SLC6A2: variants seen among roughly 807,000 people sequenced by gnomAD.
The protein encoded by SLC6A2 is solute carrier family 6 member 2.
SLC6A2 carries 26 observed loss-of-function variants against 71.7 expected under a neutral mutation model. The observed-to-expected ratio is 0.36, with a 90% CI of 0.27 to 0.50. The LOEUF (loss-of-function observed/expected upper bound fraction) is 0.50. Ranked by LOEUF, SLC6A2 falls within the 20% of genes least tolerant of loss-of-function variation. The pLI is 0.96. For missense variants in SLC6A2, 581 were observed against 803.9 expected (o/e 0.72, Z 3.35); for synonymous variants, 363 against 337.9 (o/e 1.07, Z -0.82).
Position 55,705,158 on chromosome 16 carries a change from C to T in SLC6A2, c.*2812C>T, listed in dbSNP as rs1966075384. On this transcript the variant is annotated 3_prime_UTR_variant, in exon 15 of 15. Coordinates refer to ENST00000568943, the MANE Select transcript of SLC6A2 (RefSeq NM_001172501.3). The stretch of plus-strand genomic sequence containing the variant: ...GTAAAATATCAGTTTGAGAACATCA[C>T]ATTTACGTCTACTCAATGTCTAGTT... The T allele has an allele frequency of 2.5e-6, 3 of 1,187,622 alleles. No individual in the cohort carries two copies. Among genetic ancestry groups the T allele is most frequent in the Admixed American group, 2.0e-5 (1 of 49,648 alleles). The allele number at this position is 1,187,622 out of a possible 1,614,324, so 73.6% of individuals were successfully genotyped here.
chr16:55,683,061 C>T (rs1303441545), intron 4 of SLC6A2, among the ~76,000 whole-genome samples: 1 of 152,154 alleles, frequency 6.6e-6, no homozygotes, highest in African/African-American at 2.4e-5. Flanking sequence ...AATACCACAC[C>T]AAGTTGTTCC....
intron 4 of SLC6A2, among the ~76,000 whole-genome samples, chr16:55,678,604 T>C (rs1472238829): frequency 1.3e-5 from 2 of 152,110 alleles, no homozygotes; most frequent in African/African-American, 2.4e-5. Context: ...TCTGTAACTT[T>C]ATGTGTAAAA....
At chr16:55,659,152 G>A (rs74449244) in intron 2 of SLC6A2, among the ~76,000 whole-genome samples, 5,027 of 152,168 alleles carry the variant, frequency 0.033, 116 homozygotes, top group South Asian at 0.066. Flanking sequence ...CAGGGGTCAC[G>A]GTCACCAAGA....
At chr16:55,691,787 G>T in intron 5 of SLC6A2, 131 bp from the exon 6 acceptor site, 1 of 1,041,554 alleles carries the variant, frequency 9.6e-7, no homozygotes, top group Non-Finnish European at 1.5e-6. Context: ...GGAACTTGTA[G>T]CATGTGCTTT....
chr16:55,683,354 G>T (rs1965339936), intron 4 of SLC6A2, among the ~76,000 whole-genome samples: 1 of 152,180 alleles, frequency 6.6e-6, no homozygotes, highest in South Asian at 2.1e-4. Context: ...GCTCATGCCT[G>T]TAATCCCAGC....
intron 5 of SLC6A2, among the ~76,000 whole-genome samples, chr16:55,691,330 C>G (rs1477584873): frequency 6.8e-6 from 1 of 148,018 alleles, no homozygotes. Flanking sequence ...ATGCAGCAAC[C>G]AGTAGCAATG....
chr16:55,664,610 G>A (rs569949400), intron 2 of SLC6A2, among the ~76,000 whole-genome samples: 3 of 152,276 alleles, frequency 2.0e-5, no homozygotes, highest in Admixed American at 6.5e-5. Flanking sequence ...TCCCATTTAC[G>A]GAGCACCCAC....
At position 55,702,711 on chromosome 16, in the gene SLC6A2, C is replaced by T. The variant is rs1460487466; in HGVS notation, c.*365C>T. On this transcript the variant is annotated 3_prime_UTR_variant, in exon 15 of 15. Transcript: ENST00000568943. The stretch of plus-strand genomic sequence containing the variant: ...CACAGGAGTTCTTAGTCCACCAAAT[C>T]AGAGAGAGGATGGGCTTTTGATCAG... 9.3e-7 allele frequency: 1 copy of T among 1,070,166 alleles called. No homozygotes were observed. Among genetic ancestry groups the T allele is most frequent in the African/African-American group, 1.9e-5 (1 of 53,644 alleles). 66.3% of individuals were successfully genotyped at this position (1,070,166 alleles called of 1,614,324 possible).
In SLC6A2 at chr16:55,656,781, A is replaced by G; in HGVS notation, c.87A>G (p.Lys29=). ...CAGAGCAGCCCCTTCGGGCGCGCAA[A>G]ACTGCGGAGCTGCTGGTGGTGAAGG... ...TGPEQPLRAR[K]TAELLVVKER... is the part of the protein sequence containing the mutation. Residue 29 remains lysine (K), a synonymous_variant, in exon 2 of 15, where the codon AAA becomes AAG. Coordinates refer to ENST00000568943, the MANE Select transcript of SLC6A2 (RefSeq NM_001172501.3). The surrounding 1 kb of genome is among the most constrained non-coding windows in gnomAD (Gnocchi z 4.5). 1 of 1,613,356 alleles carries G rather than the reference A, an allele frequency of 6.2e-7. No individual in the cohort carries two copies. Among genetic ancestry groups the G allele is most frequent in the Non-Finnish European group, 8.5e-7 (1 of 1,179,800 alleles).
chr16:55,679,805 A>G (rs1965211353), intron 4 of SLC6A2, among the ~76,000 whole-genome samples: 1 of 152,228 alleles, frequency 6.6e-6, no homozygotes, highest in South Asian at 2.1e-4. Flanking sequence ...TGGCAAGGCC[A>G]GGGATGAACT....
At chr16:55,688,203 C>A (rs1161164443) in intron 5 of SLC6A2, among the ~76,000 whole-genome samples, 2 of 152,208 alleles carry the variant, frequency 1.3e-5, no homozygotes, top group African/African-American at 4.8e-5. Context: ...GAACCTGGAA[C>A]AGGACATTGA....
At chr16:55,690,580 G>GTC (rs1965586895) in intron 5 of SLC6A2, among the ~76,000 whole-genome samples, 1 of 152,126 alleles carries the variant, frequency 6.6e-6, no homozygotes, top group Non-Finnish European at 1.5e-5. Context: ...TCCTCCTTGA[G>GTC]TCTGACTACC....
intron 4 of SLC6A2, among the ~76,000 whole-genome samples, chr16:55,677,269 G>T (rs140151606): frequency 1.3e-5 from 2 of 152,076 alleles, no homozygotes; most frequent in African/African-American, 4.8e-5. Flanking sequence ...GGAGGGGAAG[G>T]TGGTAAAGAT....
At chr16:55,701,036 C>A (rs1319633513) in intron 13 of SLC6A2, among the ~76,000 whole-genome samples, 3 of 152,134 alleles carry the variant, frequency 2.0e-5, no homozygotes, top group African/African-American at 7.2e-5. Context: ...TTCCTTCATT[C>A]CTTTATCCAC....
intron 4 of SLC6A2, among the ~76,000 whole-genome samples, chr16:55,677,888 T>C (rs1965144617): frequency 6.6e-6 from 1 of 152,168 alleles, no homozygotes; most frequent in Non-Finnish European, 1.5e-5. Context: ...CTTGAACTCC[T>C]GGGCTCAGGT....
intron 2 of SLC6A2, among the ~76,000 whole-genome samples, chr16:55,658,680 G>A (rs184107294): frequency 5.7e-4 from 87 of 152,318 alleles, no homozygotes; most frequent in Non-Finnish European, 1.1e-3. Context: ...CCTGAGATGG[G>A]TCTGTCATTG....
At chr16:55,682,072 A>G (rs1596985476) in intron 4 of SLC6A2, among the ~76,000 whole-genome samples, 1 of 152,202 alleles carries the variant, frequency 6.6e-6, no homozygotes, top group African/African-American at 2.4e-5. Context: ...ACACCCAGCT[A>G]ATTTTTGTAT....
chr16:55,705,112 AATT>A lies in SLC6A2; in HGVS notation c.*2773_*2775del. On this transcript the variant is annotated 3_prime_UTR_variant, in exon 15 of 15. Coordinates refer to ENST00000568943, the MANE Select transcript of SLC6A2 (RefSeq NM_001172501.3). Reference sequence around the variant, plus strand: ...TTGATATTTTTTCAGGTTTTTAAAGAATTATTATTTTTCATGAAATGTAAAATA... The same window carrying A: ...TTGATATTTTTTCAGGTTTTTAAAGAATTATTTTTCATGAAATGTAAAATA... 1.1e-6 allele frequency: 1 copy of A among 949,480 alleles called. No homozygotes were observed. Among genetic ancestry groups the A allele is most frequent in the Non-Finnish European group, 1.6e-6 (1 of 614,918 alleles). 58.8% of individuals were successfully genotyped at this position (949,480 alleles called of 1,614,324 possible). A position where few individuals can be genotyped will look rare whatever the true frequency, so the allele number is the denominator to read the frequency against.
rs375572054 is a variant in SLC6A2, at chr16:55,656,678, T to C, written c.-17T>C. The C allele has an allele frequency of 2.5e-6, 4 of 1,611,248 alleles. No homozygotes were observed. The highest frequency in any genetic ancestry group is 1.7e-5 in the Admixed American group (1 of 59,990). On this transcript the variant is annotated 5_prime_UTR_variant, in exon 2 of 15. Coordinates refer to ENST00000568943, the MANE Select transcript of SLC6A2 (RefSeq NM_001172501.3). The surrounding 1 kb of genome is among the most constrained non-coding windows in gnomAD (Gnocchi z 4.5). Reference sequence around the variant, plus strand: ...GTGCCCCCAGGACCGGTAAAGTTCCTCTCGCCAGCCGCATCCATGCTTCTG... The same window carrying C: ...GTGCCCCCAGGACCGGTAAAGTTCCCCTCGCCAGCCGCATCCATGCTTCTG...
Sources: allele counts gnomAD v4.1 joint callset (sites outside exome capture counted in the v4.1 genomes callset), GRCh38; gene constraint gnomAD v4.1.1; non-coding constraint Gnocchi (gnomAD v3.1); transcripts MANE v1.5; gene names NCBI Gene and HGNC (gene_info 2026-07-23, HGNC 2026-07-21).